Variants in ATF2 observed in about 807,000 individuals in gnomAD.
The protein encoded by ATF2 is cyclic AMP-dependent transcription factor ATF-2.
Under a neutral mutation model 60.6 loss-of-function variants are expected in ATF2, and 24 were observed. The ratio of observed to expected loss-of-function variants is 0.40; its 90% CI spans 0.29 to 0.56. The LOEUF (loss-of-function observed/expected upper bound fraction) is 0.56. Among genes scored for constraint, ATF2 ranks in the 20% least tolerant of loss-of-function variants. The probability of loss-of-function intolerance (pLI) is 0.54; values close to 1 mark genes in which losing one functional copy is unlikely to be tolerated. For missense variants in ATF2, 433 were observed against 607.7 expected (o/e 0.71, Z 3.02); for synonymous variants, 206 against 215.4 (o/e 0.96, Z 0.38).
intron 2 of ATF2, among the ~76,000 whole-genome samples, chr2:175,145,781 GA>G (rs1273276040): frequency 1.3e-5 from 2 of 152,144 alleles, no homozygotes; most frequent in Non-Finnish European, 2.9e-5. Flanking sequence ...GATTTGGCCA[GA>G]AAGTAAGAAA....
intron 10 of ATF2, among the ~76,000 whole-genome samples, chr2:175,107,920 C>A (rs1246976099): frequency 4.6e-5 from 7 of 152,204 alleles, no homozygotes. Context: ...CTCGCTACAA[C>A]CTCCACCTCC....
At chr2:175,135,514 C>T (rs999986651) in intron 3 of ATF2, among the ~76,000 whole-genome samples, 2 of 152,156 alleles carry the variant, frequency 1.3e-5, no homozygotes, top group African/African-American at 4.8e-5. Context: ...GACTGTATTA[C>T]TTTCCCACCA....
At chr2:175,138,460 C>A (rs1698282456) in intron 2 of ATF2, among the ~76,000 whole-genome samples, 1 of 152,158 alleles carries the variant, frequency 6.6e-6, no homozygotes, top group African/African-American at 2.4e-5. Context: ...ATCTGATTAT[C>A]CACTTAGTAA....
intron 12 of ATF2, among the ~76,000 whole-genome samples, chr2:175,082,708 C>T (rs1693844092): frequency 6.6e-6 from 1 of 152,152 alleles, no homozygotes; most frequent in Admixed American, 6.6e-5. Context: ...GCCTCTCATA[C>T]CCTTGCTACC....
At chr2:175,108,976 T>C (rs546630106) in intron 10 of ATF2, among the ~76,000 whole-genome samples, 4 of 152,088 alleles carry the variant, frequency 2.6e-5, no homozygotes, top group South Asian at 2.1e-4. Flanking sequence ...GAAGGCAGCA[T>C]GCTCGTTAAG....
intron 10 of ATF2, among the ~76,000 whole-genome samples, chr2:175,109,736 A>G (rs1399812776): frequency 6.6e-6 from 1 of 152,192 alleles, no homozygotes; most frequent in Non-Finnish European, 1.5e-5. Context: ...ATGGTAAATT[A>G]AATTGAATTT....
In ATF2 at chr2:175,074,707, T is replaced by G; in HGVS notation, c.1420A>C (p.Thr474Pro). The change falls in exon 14 of 14, where the codon ACT (threonine) becomes CCT (proline). Residue 474 changes from threonine (T) to proline (P), a missense_variant. Around this residue, in one of 5 missense-constraint regions of ATF2, gnomAD observed 114 missense variants for 104.0 expected, o/e 1.10. Coordinates refer to ENST00000264110, the MANE Select transcript of ATF2 (RefSeq NM_001880.4). ...SSTSKAEAVA[T>P]SVLTQMADQS... ...TCCGCCATCTGGGTGAGGACTGAAG[T>G]GGCTACAGCTTCTGCCTTGGAGGTT... 1 of 1,613,452 alleles carries G rather than the reference T, an allele frequency of 6.2e-7. No homozygotes were observed. The highest frequency in any genetic ancestry group is 8.5e-7 in the Non-Finnish European group (1 of 1,179,694).
chr2:175,138,626 G>T (rs1282684546), intron 2 of ATF2, among the ~76,000 whole-genome samples: 1 of 152,064 alleles, frequency 6.6e-6, no homozygotes, highest in East Asian at 1.9e-4. Flanking sequence ...CCCTCAGTTT[G>T]CATATTATTT....
At chr2:175,084,338 T>C (rs939143041) in intron 12 of ATF2, among the ~76,000 whole-genome samples, 5 of 151,908 alleles carry the variant, frequency 3.3e-5, no homozygotes, top group Non-Finnish European at 7.4e-5. Flanking sequence ...TTCATGTCCT[T>C]TGTAGGGACA....
At chr2:175,082,552 G>C (rs886537123) in intron 12 of ATF2, among the ~76,000 whole-genome samples, 5 of 152,130 alleles carry the variant, frequency 3.3e-5, no homozygotes, top group Admixed American at 2.0e-4. Flanking sequence ...ATTAAATCCT[G>C]TAACAGGAAA....
At chr2:175,092,277 T>C (rs1328401897) in intron 12 of ATF2, 1 of 153,958 alleles carries the variant, frequency 6.5e-6, no homozygotes, top group Non-Finnish European at 1.4e-5. Flanking sequence ...TGGGTATGGA[T>C]AATTCAGAAG....
chr2:175,081,233 A>G (rs1693736129), intron 12 of ATF2, among the ~76,000 whole-genome samples: 1 of 152,180 alleles, frequency 6.6e-6, no homozygotes, highest in Non-Finnish European at 1.5e-5. Context: ...CACAGGGGAA[A>G]CCAAAATAAC....
chr2:175,109,646 G>T (rs1445497846), intron 10 of ATF2, among the ~76,000 whole-genome samples: 1 of 152,170 alleles, frequency 6.6e-6, no homozygotes, highest in African/African-American at 2.4e-5. Context: ...CAATGAATAT[G>T]TAAAAATACT....
intron 10 of ATF2, among the ~76,000 whole-genome samples, chr2:175,108,312 G>A (rs1695866701): frequency 6.6e-6 from 1 of 151,882 alleles, no homozygotes. Context: ...ACCCCGTCCG[G>A]GAGGGAGGTG....
intron 7 of ATF2, among the ~76,000 whole-genome samples, chr2:175,116,535 G>A (rs1445994566): frequency 6.6e-6 from 1 of 151,938 alleles, no homozygotes; most frequent in Non-Finnish European, 1.5e-5. Context: ...AATCTGGTGA[G>A]ATACCTATGC....
At chr2:175,132,090 T>G (rs942476438) in intron 3 of ATF2, among the ~76,000 whole-genome samples, 1 of 152,184 alleles carries the variant, frequency 6.6e-6, no homozygotes, top group South Asian at 2.1e-4. Context: ...GATATCATCA[T>G]GTATCCTCTA....
chr2:175,146,233 A>C (rs1292435386), intron 2 of ATF2, among the ~76,000 whole-genome samples: 2 of 152,194 alleles, frequency 1.3e-5, no homozygotes, highest in East Asian at 3.8e-4. Context: ...CACCAAAATC[A>C]TTATAGTCAA....
intron 12 of ATF2, among the ~76,000 whole-genome samples, chr2:175,087,479 T>C (rs920748179): frequency 5.9e-5 from 9 of 152,190 alleles, no homozygotes; most frequent in African/African-American, 2.2e-4. Flanking sequence ...GTCTATGTAA[T>C]GTAAATCAGC....
Position 175,150,757 on chromosome 2 carries a change from G to A in ATF2, c.-44+303C>T, listed in dbSNP as rs375520484. Among the ~76,000 whole-genome samples, 9 of 152,068 alleles carry A rather than the reference G, an allele frequency of 5.9e-5. No individual in the cohort carries two copies. The East Asian group carries it at 1.4e-3, about 23-fold the overall frequency. On this transcript the variant is annotated intron_variant, in intron 2 of 13. Transcript: ENST00000264110. ...TTAGAAGAACTGAGACCTTTATATC[G>A]GAACCCTTTGCTAAAGAGGGGTCCC... is the stretch of plus-strand genomic sequence containing the variant.
Sources: allele counts gnomAD v4.1 joint callset (sites outside exome capture counted in the v4.1 genomes callset), GRCh38; gene constraint gnomAD v4.1.1; regional missense constraint gnomAD v4.1.1; transcripts MANE v1.5; gene names NCBI Gene and HGNC (gene_info 2026-07-23, HGNC 2026-07-21).